The following PDE6A variants were observed in gnomAD, a reference collection of about 807,000 sequenced individuals.
PDE6A encodes rod cGMP-specific 3',5'-cyclic phosphodiesterase subunit alpha.
PDE6A carries 84 observed loss-of-function variants against 106.3 expected under a neutral mutation model. That is an observed-to-expected ratio of 0.79 (90% CI 0.66 to 0.95). The LOEUF is 0.95. Ranked by LOEUF, PDE6A falls within the 40% of genes least tolerant of loss-of-function variation. PDE6A has a pLI of 0.00. For synonymous variants in PDE6A, 394 were observed against 386.6 expected, an observed-to-expected ratio of 1.02 and a Z score of -0.23; for missense variants, 1,052 against 1,084.9, an observed-to-expected ratio of 0.97 and a Z score of 0.43.
chr5:149,867,894 A>C, intron 18 of PDE6A, 95 bp from the exon 19 acceptor site: 2 of 1,286,076 alleles, frequency 1.6e-6, no homozygotes, highest in Non-Finnish European at 2.2e-6. Flanking sequence ...AATCAACAAA[A>C]AGGATAAACC....
Position 149,858,154 on chromosome 5 carries a change from T to C in PDE6A, c.*2741A>G, listed in dbSNP as rs934294409. Reference sequence around the variant, plus strand: ...CCATGGCTATGTGAGGTGATGGATATATTAATTAGCTTAATTATGGTAACC... The same window carrying C: ...CCATGGCTATGTGAGGTGATGGATACATTAATTAGCTTAATTATGGTAACC... On this transcript the variant is annotated 3_prime_UTR_variant, in exon 22 of 22. Transcript: ENST00000255266. The C allele has an allele frequency of 9.2e-5, 14 of 152,232 alleles. No homozygotes were observed. Among genetic ancestry groups the C allele is most frequent in the African/African-American group, 3.1e-4 (13 of 41,448 alleles). 9.4% of individuals were successfully genotyped at this position (152,232 alleles called of 1,614,324 possible).
rs746753618 is a variant in PDE6A at position 149,944,426 on chromosome 5, T to C, written c.248A>G (p.Lys83Arg). 1 of 1,614,182 alleles carries C rather than the reference T, an allele frequency of 6.2e-7. No individual in the cohort carries two copies. Among genetic ancestry groups the C allele is most frequent in the Non-Finnish European group, 8.5e-7 (1 of 1,180,018 alleles). The change falls in exon 1 of 22, where the codon AAG becomes AGG. Residue 83 changes from lysine (K) to arginine (R), a missense_variant. Transcript: ENST00000255266. ...TGCCTGCAGGAGGAAGCACAGCTTC[T>C]TCATGACATTGAAGATGCATTTCTC... ...QTEKCIFNVM[K>R]KLCFLLQADR...
chr5:149,922,562 T>A (rs577680557), intron 4 of PDE6A, among the ~76,000 whole-genome samples: 1 of 152,280 alleles, frequency 6.6e-6, no homozygotes, highest in African/African-American at 2.4e-5. Context: ...TCCATCTGCC[T>A]CAGCCTCCCA....
At chr5:149,865,019 C>G (rs1415772643) in intron 20 of PDE6A, among the ~76,000 whole-genome samples, 1 of 152,116 alleles carries the variant, frequency 6.6e-6, no homozygotes, top group Non-Finnish European at 1.5e-5. Flanking sequence ...GCGGGTGGAT[C>G]GTTTGAGGCC....
intron 17 of PDE6A, among the ~76,000 whole-genome samples, chr5:149,869,083 C>T (rs1308390296): frequency 6.6e-6 from 1 of 152,098 alleles, no homozygotes; most frequent in Non-Finnish European, 1.5e-5. Flanking sequence ...TAATCCCAGC[C>T]CTTTGGGAGG....
chr5:149,939,019 A>G (rs1264366011), intron 1 of PDE6A, among the ~76,000 whole-genome samples: 1 of 152,202 alleles, frequency 6.6e-6, no homozygotes, highest in African/African-American at 2.4e-5. Flanking sequence ...TCCTTCACCC[A>G]GCCCCAGTCA....
chr5:149,896,995 T>C (rs1308640317), intron 10 of PDE6A, among the ~76,000 whole-genome samples: 1 of 152,240 alleles, frequency 6.6e-6, no homozygotes, highest in Non-Finnish European at 1.5e-5. Flanking sequence ...GTGTTATTAA[T>C]GCTTCTGATC....
At chr5:149,907,460 C>A in intron 6 of PDE6A, 82 bp from the exon 7 acceptor site, 3 of 1,123,394 alleles carry the variant, frequency 2.7e-6, no homozygotes, top group Non-Finnish European at 4.1e-6. Context: ...TTTGCGCTCC[C>A]CCTGCTCTCA....
In PDE6A at chr5:149,868,301, C is replaced by G. The variant is rs1004625921; in HGVS notation, c.2136-143G>C. On this transcript the variant is annotated intron_variant, in intron 17 of 21. Coordinates refer to ENST00000255266, the MANE Select transcript of PDE6A (RefSeq NM_000440.3). ...AGGAAAGGGCTCACCCCCATTGCAT[C>G]CAGGGGTTGGGCTTTGAAATCAAAC... 5 of 789,280 alleles carry G rather than the reference C, an allele frequency of 6.3e-6. No individual in the cohort carries two copies. The African/African-American group carries it at 6.8e-5, about 11-fold the overall frequency. The allele number at this position is 789,280 out of a possible 1,614,324, so 48.9% of individuals were successfully genotyped here.
chr5:149,885,725 A>G (rs1752269591), intron 14 of PDE6A, among the ~76,000 whole-genome samples: 1 of 152,232 alleles, frequency 6.6e-6, no homozygotes, highest in Non-Finnish European at 1.5e-5. Context: ...CACAAACTTA[A>G]TGGCTTAAAG....
chr5:149,928,425 A>G (rs992768593), intron 4 of PDE6A, among the ~76,000 whole-genome samples: 1 of 150,426 alleles, frequency 6.6e-6, no homozygotes, highest in African/African-American at 2.5e-5. Flanking sequence ...TTTAGTAGAG[A>G]CGGGGTTTCA....
intron 7 of PDE6A, among the ~76,000 whole-genome samples, chr5:149,904,592 C>T (rs559642080): frequency 1.4e-4 from 22 of 152,236 alleles, no homozygotes; most frequent in African/African-American, 4.8e-4. Context: ...CCTTGAGAAA[C>T]GGTGCCTTCT....
At chr5:149,898,131 C>T (rs955657933) in intron 10 of PDE6A, among the ~76,000 whole-genome samples, 3 of 152,316 alleles carry the variant, frequency 2.0e-5, no homozygotes, top group Middle Eastern at 6.8e-3. Context: ...CCACACAGTG[C>T]AGTCGTTATG....
Position 149,937,630 on chromosome 5 carries a change from G to A in PDE6A, c.475-2912C>T, listed in dbSNP as rs1455597355. The stretch of plus-strand genomic sequence containing the variant: ...TGGGCTCAAGTGATCCTCCCACCTC[G>A]GCCTCCCAAAGTGCTGGGGTTACAG... On this transcript the variant is annotated intron_variant, in intron 1 of 21. Coordinates refer to ENST00000255266, the MANE Select transcript of PDE6A (RefSeq NM_000440.3). Among the ~76,000 whole-genome samples, 7 of 152,222 alleles carry A rather than the reference G, an allele frequency of 4.6e-5. No homozygotes were observed. In the East Asian group the frequency reaches 1.2e-3, roughly 25 times the overall value.
rs537902003 is a variant in PDE6A at position 149,887,221 on chromosome 5, A to G, written c.1729-847T>C. ...AAGATTGAAAAGACTTCCAAGTCCA[A>G]CAATAGAACACTATGCAGCCACAAA... is the stretch of plus-strand genomic sequence containing the variant. On this transcript the variant is annotated intron_variant, in intron 13 of 21. Transcript: ENST00000255266. Among the ~76,000 whole-genome samples, 5 of 152,400 alleles carry G rather than the reference A, an allele frequency of 3.3e-5. No individual in the cohort carries two copies. The East Asian group carries it at 9.6e-4, about 29-fold the overall frequency.
At chr5:149,936,230 T>C (rs1352066887) in intron 1 of PDE6A, among the ~76,000 whole-genome samples, 1 of 147,642 alleles carries the variant, frequency 6.8e-6, no homozygotes, top group Non-Finnish European at 1.5e-5. Context: ...TCTGCATCTA[T>C]AGATTTCTTC....
At position 149,885,663 on chromosome 5, in the gene PDE6A, CA is replaced by C. The variant is rs367705593; in HGVS notation, c.1838+601del. Among the ~76,000 whole-genome samples the C allele has an allele frequency of 2.7e-3, 411 of 152,294 alleles. 1 individual carries two copies. The highest frequency in any genetic ancestry group is 9.2e-3 in the African/African-American group (384 of 41,562). On this transcript the variant is annotated intron_variant, in intron 14 of 21. Transcript: ENST00000255266. ...GCAGCAGGTAGGACAAGGAAGGAGACAAGTACAGGAGTTTAATGCATTCATT... is the reference window on the plus strand; with the variant it reads ...GCAGCAGGTAGGACAAGGAAGGAGACAGTACAGGAGTTTAATGCATTCATT...
intron 6 of PDE6A, among the ~76,000 whole-genome samples, chr5:149,911,842 CAAAAAAAAAA>C (rs11430549): frequency 8.2e-4 from 54 of 66,094 alleles, no homozygotes; most frequent in African/African-American, 2.7e-3. Flanking sequence ...TCTCTATTAC[CAAAAAAAAAA>C]AAAAAAAAAA....
intron 6 of PDE6A, among the ~76,000 whole-genome samples, chr5:149,909,449 C>T (rs1753304962): frequency 6.6e-6 from 1 of 152,176 alleles, no homozygotes; most frequent in Admixed American, 6.6e-5. Context: ...TTTTTTATTC[C>T]AGATTATGGA....
Sources: gnomAD v4.1 joint callset for allele counts (sites outside exome capture counted in the v4.1 genomes callset) on GRCh38, gnomAD v4.1.1 for gene constraint, MANE v1.5 for transcripts, NCBI Gene and HGNC (gene_info 2026-07-23, HGNC 2026-07-21) for gene names.